NOL10: variants seen among roughly 807,000 people sequenced by gnomAD.
The protein encoded by NOL10 is H_NH0074G24.1.
A neutral mutation model predicts 103.5 loss-of-function variants in NOL10; 58 were observed. The ratio of observed to expected loss-of-function variants is 0.56; its 90% CI spans 0.45 to 0.70. The LOEUF (loss-of-function observed/expected upper bound fraction) is 0.70. Ranked by LOEUF, NOL10 falls within the 30% of genes least tolerant of loss-of-function variation. NOL10 has a pLI of 0.00. For synonymous variants in NOL10, 287 were observed against 282.5 expected, an observed-to-expected ratio of 1.02 and a Z score of -0.16; for missense variants, 763 against 807.3, an observed-to-expected ratio of 0.95 and a Z score of 0.67.
chr2:10,631,484 A>G (rs1677836662), intron 13 of NOL10, among the ~76,000 whole-genome samples: 1 of 151,708 alleles, frequency 6.6e-6, no homozygotes, highest in African/African-American at 2.4e-5. Flanking sequence ...CTCCTTTTGG[A>G]TTTTTATAGG....
At chr2:10,597,411 G>C (rs1472416024) in intron 17 of NOL10, among the ~76,000 whole-genome samples, 1 of 152,218 alleles carries the variant, frequency 6.6e-6, no homozygotes, top group Non-Finnish European at 1.5e-5. Context: ...ATCACAGCTA[G>C]TAAAGTTCTC....
chr2:10,577,701 T>A lies in NOL10; in HGVS notation c.1882A>T (p.Asn628Tyr). ...LEDRLKIEAK[N>Y]GTLSVSDTTV... ...GTGTCGGATACACTCAATGTCCCAT[T>A]TTTTGCTTCAATTTTCAAACGATCT... is the stretch of plus-strand genomic sequence containing the variant. Residue 628 changes from asparagine (N) to tyrosine (Y), a missense_variant, in exon 20 of 21, where the codon AAT becomes TAT. Transcript: ENST00000381685. The A allele has an allele frequency of 6.2e-7, 1 of 1,612,754 alleles. No individual in the cohort carries two copies.
chr2:10,633,114 T>C (rs989245436), intron 13 of NOL10, among the ~76,000 whole-genome samples: 11 of 152,208 alleles, frequency 7.2e-5, no homozygotes, highest in African/African-American at 2.7e-4. Context: ...AACTTCCTCA[T>C]CAGAGTGTAA....
At chr2:10,658,755 T>C (rs1680003757) in intron 10 of NOL10, among the ~76,000 whole-genome samples, 1 of 152,182 alleles carries the variant, frequency 6.6e-6, no homozygotes, top group South Asian at 2.1e-4. Flanking sequence ...GCATAGACTC[T>C]GAAAAATGCT....
chr2:10,573,350 C>G (rs930323379), intron 20 of NOL10, among the ~76,000 whole-genome samples: 1 of 152,154 alleles, frequency 6.6e-6, no homozygotes, highest in East Asian at 1.9e-4. Flanking sequence ...CCCGCCACCA[C>G]GCCCGGCTAA....
At chr2:10,636,638 A>G (rs1040212290) in intron 13 of NOL10, among the ~76,000 whole-genome samples, 5 of 151,868 alleles carry the variant, frequency 3.3e-5, no homozygotes, top group African/African-American at 1.2e-4. Flanking sequence ...TATCTTCTTA[A>G]TGAAGCTGAG....
chr2:10,635,884 A>C (rs1678176069), intron 13 of NOL10, among the ~76,000 whole-genome samples: 1 of 152,186 alleles, frequency 6.6e-6, no homozygotes, highest in Non-Finnish European at 1.5e-5. Context: ...TCCATCTAGG[A>C]ATTTCATGTA....
rs530358467 is a variant in NOL10 at position 10,571,893 on chromosome 2, G to A, written c.*178C>T. 86 of 665,992 alleles carry A rather than the reference G, an allele frequency of 1.3e-4. No individual in the cohort carries two copies. In the South Asian group the frequency reaches 1.4e-3, roughly 11 times the overall value. The allele number at this position is 665,992 out of a possible 1,614,324, so 41.3% of individuals were successfully genotyped here. The stretch of plus-strand genomic sequence containing the variant: ...CTGGGGCTGTGCGGTGGCCGTCGGC[G>A]GGGCCAGCTTCAAAGTCCAACCCAC... On this transcript the variant is annotated 3_prime_UTR_variant, in exon 21 of 21. Transcript: ENST00000381685.
intron 9 of NOL10, 149 bp from the exon 10 acceptor site, chr2:10,659,399 T>C: frequency 1.6e-6 from 1 of 622,736 alleles, no homozygotes; most frequent in Non-Finnish European, 2.9e-6. Flanking sequence ...AACTGCAGCC[T>C]GGTAAGATGA....
intron 4 of NOL10, among the ~76,000 whole-genome samples, chr2:10,674,535 G>A (rs564110551): frequency 6.6e-6 from 1 of 152,206 alleles, no homozygotes; most frequent in African/African-American, 2.4e-5. Flanking sequence ...ATAATCATAT[G>A]AGCCCTTTAA....
At chr2:10,595,582 T>A (rs990352544) in intron 17 of NOL10, among the ~76,000 whole-genome samples, 2 of 127,302 alleles carry the variant, frequency 1.6e-5, no homozygotes, top group African/African-American at 5.5e-5. Context: ...ACAGAAATGT[T>A]TTTTTGTTTT....
At chr2:10,643,376 T>C (rs1271687176) in intron 13 of NOL10, among the ~76,000 whole-genome samples, 2 of 152,216 alleles carry the variant, frequency 1.3e-5, no homozygotes, top group African/African-American at 4.8e-5. Context: ...TGATCTTCAG[T>C]ACCCCTCACT....
At position 10,684,625 on chromosome 2, in the gene NOL10, GAA is replaced by G. The variant is rs1467027128; in HGVS notation, c.67-15_67-14del. 1 of 1,553,418 alleles carries G rather than the reference GAA, an allele frequency of 6.4e-7. No individual in the cohort carries two copies. Among genetic ancestry groups the G allele is most frequent in the African/African-American group, 1.4e-5 (1 of 73,410 alleles). ...TATCAGAAAGCCACTTAAAGAAAAT[GAA>G]GAGAGTTTATTTTAAAACAAATTTA... On this transcript the variant is annotated splice_polypyrimidine_tract_variant and intron_variant, in intron 1 of 20. Transcript: ENST00000381685.
intron 13 of NOL10, among the ~76,000 whole-genome samples, chr2:10,611,888 C>G (rs893954607): frequency 2.6e-5 from 4 of 152,132 alleles, no homozygotes; most frequent in Non-Finnish European, 4.4e-5. Flanking sequence ...GTACTCCAGC[C>G]TGGGTGACAG....
At chr2:10,645,863 T>A (rs1287000602) in intron 12 of NOL10, among the ~76,000 whole-genome samples, 4 of 151,594 alleles carry the variant, frequency 2.6e-5, no homozygotes, top group African/African-American at 7.3e-5. Flanking sequence ...GTCTTGCCAA[T>A]AACTCAGAAG....
At chr2:10,591,603 G>A (rs1021917120) in intron 17 of NOL10, among the ~76,000 whole-genome samples, 2 of 151,980 alleles carry the variant, frequency 1.3e-5, no homozygotes, top group Non-Finnish European at 2.9e-5. Flanking sequence ...GAGGAGGAGG[G>A]GGAGGAAGAA....
chr2:10,664,580 C>T (rs951993372), intron 8 of NOL10, among the ~76,000 whole-genome samples: 2 of 152,230 alleles, frequency 1.3e-5, no homozygotes, highest in East Asian at 1.9e-4. Context: ...CTTGTTCAGT[C>T]GCCCAGCTGG....
At chr2:10,637,200 A>AC (rs1678305986) in intron 13 of NOL10, among the ~76,000 whole-genome samples, 1 of 150,338 alleles carries the variant, frequency 6.7e-6, no homozygotes, top group African/African-American at 2.4e-5. Context: ...AAAAAAAAAA[A>AC]AAAAAAAAAA....
chr2:10,630,135 G>A (rs1005326953), intron 13 of NOL10, among the ~76,000 whole-genome samples: 3 of 152,232 alleles, frequency 2.0e-5, no homozygotes, highest in Non-Finnish European at 2.9e-5. Flanking sequence ...CACGGACCCC[G>A]TGAATTCTGT....
Sources: allele counts gnomAD v4.1 joint callset (sites outside exome capture counted in the v4.1 genomes callset), GRCh38; gene constraint gnomAD v4.1.1; transcripts MANE v1.5; gene names NCBI Gene and HGNC (gene_info 2026-07-23, HGNC 2026-07-21).